The following TENM2 variants were observed in gnomAD, a reference collection of about 807,000 sequenced individuals.
TENM2 encodes the protein teneurin transmembrane protein 2, also known as teneurin-2.
In TENM2, 52 loss-of-function variants were observed where a neutral mutation model predicts 245.2. The ratio of observed to expected loss-of-function variants is 0.21; its 90% CI spans 0.17 to 0.27. TENM2 has a LOEUF of 0.27. Ranked by LOEUF, TENM2 falls within the 10% of genes least tolerant of loss-of-function variation. The pLI, the probability that TENM2 is intolerant of heterozygous loss-of-function variation, is 1.00. For missense variants in TENM2, 3,046 were observed against 3,666.8 expected (o/e 0.83, Z 4.37); for synonymous variants, 1,363 against 1,438.9 (o/e 0.95, Z 1.19).
chr5:167,909,647 T>C (rs1270077682), intron 3 of TENM2, among the ~76,000 whole-genome samples: 1 of 152,200 alleles, frequency 6.6e-6, no homozygotes, highest in Non-Finnish European at 1.5e-5. Flanking sequence ...AGATTAGAAA[T>C]CTCATTTTTA....
At chr5:167,270,361 G>A in the TENM2 span, among the ~76,000 whole-genome samples, 1 of 152,120 alleles carries the variant, frequency 6.6e-6, no homozygotes, top group Admixed American at 6.6e-5. Flanking sequence ...GGGAGTGGTG[G>A]TGGTGATGGT....
At chr5:167,558,336 G>A (rs569371382) in intron 2 of TENM2, among the ~76,000 whole-genome samples, 1 of 152,342 alleles carries the variant, frequency 6.6e-6, no homozygotes, top group Admixed American at 6.5e-5. Context: ...TCATTCCTGA[G>A]AAGTACTTCA....
At chr5:167,669,674 G>A (rs1755805997) in intron 2 of TENM2, among the ~76,000 whole-genome samples, 1 of 151,902 alleles carries the variant, frequency 6.6e-6, no homozygotes, top group African/African-American at 2.4e-5. Context: ...CTCCAAATTA[G>A]AGGAAAGTTG....
chr5:167,464,769 G>A (rs1198276712), intron 2 of TENM2, among the ~76,000 whole-genome samples: 1 of 152,078 alleles, frequency 6.6e-6, no homozygotes, highest in Non-Finnish European at 1.5e-5. Flanking sequence ...TTCTATTGTA[G>A]GAAATAATTG....
intron 2 of TENM2, among the ~76,000 whole-genome samples, chr5:167,848,990 TTGG>T (rs1332245926): frequency 6.6e-6 from 1 of 152,196 alleles, no homozygotes; most frequent in African/African-American, 2.4e-5. Context: ...TACCACAGAC[TTGG>T]TGGTTTAAGA....
At position 168,126,974 on chromosome 5, in the gene TENM2, T is replaced by C. The variant is rs760293383; in HGVS notation, c.2422+8T>C. The C allele has an allele frequency of 7.5e-6, 12 of 1,589,998 alleles. No homozygotes were observed. The Admixed American group carries it at 1.8e-4, about 23-fold the overall frequency. On this transcript the variant is annotated splice_region_variant and intron_variant, in intron 12 of 28. Coordinates refer to ENST00000518659, the Ensembl canonical transcript of TENM2. Reference sequence around the variant, plus strand: ...CGGCAGGCACCGAAACAGGCACATATTGCTTTATTTTCATAAATTGTAGAT... The same window carrying C: ...CGGCAGGCACCGAAACAGGCACATACTGCTTTATTTTCATAAATTGTAGAT...
At chr5:168,236,941 T>C (rs1344041443) in intron 25 of TENM2, among the ~76,000 whole-genome samples, 3 of 630 alleles carry the variant, frequency 4.8e-3, no homozygotes, top group Non-Finnish European at 9.6e-3. Context: ...GTCCTAATCA[T>C]ATATATATAT....
At chr5:167,803,089 T>C (rs1765901985) in intron 2 of TENM2, among the ~76,000 whole-genome samples, 1 of 152,036 alleles carries the variant, frequency 6.6e-6, no homozygotes, top group Non-Finnish European at 1.5e-5. Flanking sequence ...CACAGAGAAA[T>C]GTAGCAAATC....
At chr5:167,006,955 GC>G in the TENM2 span, among the ~76,000 whole-genome samples, 1 of 152,156 alleles carries the variant, frequency 6.6e-6, no homozygotes, top group Non-Finnish European at 1.5e-5. Flanking sequence ...ACAGGCGTGA[GC>G]CACCACACCC....
chr5:167,704,189 T>C (rs1758349043), intron 2 of TENM2, among the ~76,000 whole-genome samples: 1 of 152,174 alleles, frequency 6.6e-6, no homozygotes, highest in Admixed American at 6.5e-5. Context: ...GAGAGGTAGC[T>C]GGAGGGAGGA....
chr5:167,148,990 A>ACTT, the TENM2 span, among the ~76,000 whole-genome samples: 1 of 152,044 alleles, frequency 6.6e-6, no homozygotes, highest in South Asian at 2.1e-4. Flanking sequence ...TATTAGGATG[A>ACTT]CTTTTAAATT....
At chr5:167,686,000 C>T (rs534563672) in intron 2 of TENM2, among the ~76,000 whole-genome samples, 8 of 152,158 alleles carry the variant, frequency 5.3e-5, no homozygotes, top group East Asian at 1.9e-4. Flanking sequence ...TCCACATCCT[C>T]GTCAGTAAAA....
At chr5:168,052,062 C>A (rs181738827) in intron 6 of TENM2, among the ~76,000 whole-genome samples, 66 of 151,692 alleles carry the variant, frequency 4.4e-4, no homozygotes, top group African/African-American at 1.3e-3. Context: ...GAGGTCGAGA[C>A]CAGCCTGGGC....
chr5:167,382,378 A>G (rs573581853), intron 2 of TENM2, among the ~76,000 whole-genome samples: 1 of 152,298 alleles, frequency 6.6e-6, no homozygotes, highest in South Asian at 2.1e-4. Context: ...GCCAAGAGAG[A>G]AAGACATGGA....
At chr5:167,859,738 G>T (rs1184784589) in intron 2 of TENM2, among the ~76,000 whole-genome samples, 6 of 92,376 alleles carry the variant, frequency 6.5e-5, no homozygotes, top group Non-Finnish European at 1.3e-4. Flanking sequence ...GAGGTGGGGG[G>T]ATCAGCCCCC....
chr5:167,453,439 G>A (rs1398582807), intron 2 of TENM2, among the ~76,000 whole-genome samples: 1 of 152,122 alleles, frequency 6.6e-6, no homozygotes, highest in Non-Finnish European at 1.5e-5. Flanking sequence ...TCCCGGGATA[G>A]GAAGACATCA....
In TENM2 at chr5:168,248,148, C is replaced by T. The variant is rs750906906; in HGVS notation, c.7209C>T (p.Pro2403=). The T allele has an allele frequency of 1.6e-5, 26 of 1,613,876 alleles. No homozygotes were observed. In the East Asian group the frequency reaches 2.7e-4, roughly 17 times the overall value. Residue 2403 remains proline (P), a synonymous_variant, in exon 27 of 29, where the codon CCC becomes CCT. Coordinates refer to ENST00000518659, the Ensembl canonical transcript of TENM2. ...GGGAGATTTATTATGACTCCAACCC[C>T]GACTTCCAGATGGTCATTGGCTTCC...
chr5:167,426,488 T>C (rs1003730890), intron 2 of TENM2, among the ~76,000 whole-genome samples: 9 of 149,874 alleles, frequency 6.0e-5, no homozygotes, highest in African/African-American at 2.2e-4. Flanking sequence ...GGTGGGAAGA[T>C]TGCTTGAGCC....
intron 2 of TENM2, among the ~76,000 whole-genome samples, chr5:167,482,426 A>G (rs1009385848): frequency 6.7e-6 from 1 of 150,092 alleles, no homozygotes; most frequent in African/African-American, 2.5e-5. Flanking sequence ...TGGGTTTTGA[A>G]CCCCCCTCCT....
Sources: allele counts gnomAD v4.1 joint callset (sites outside exome capture counted in the v4.1 genomes callset), GRCh38; gene constraint gnomAD v4.1.1; transcripts MANE v1.5; gene names NCBI Gene and HGNC (gene_info 2026-07-23, HGNC 2026-07-21).